Variants in PCDHGA5 observed in about 807,000 individuals in gnomAD.
The protein encoded by PCDHGA5 is protocadherin gamma-A5.
In PCDHGA5, 36 loss-of-function variants were observed where a neutral mutation model predicts 56.7. The ratio of observed to expected loss-of-function variants is 0.64; its 90% CI spans 0.49 to 0.84. The LOEUF is 0.84. Among genes scored for constraint, PCDHGA5 ranks in the 40% least tolerant of loss-of-function variants. The pLI is 0.00. For synonymous variants in PCDHGA5, 563 were observed against 520.2 expected (o/e 1.08, Z -1.12); for missense variants, 1,305 against 1,201.5 (o/e 1.09, Z -1.27).
At chr5:141,446,450 T>C (rs922188307) in intron 1 of PCDHGA5, among the ~76,000 whole-genome samples, 2 of 152,018 alleles carry the variant, frequency 1.3e-5, no homozygotes, top group Non-Finnish European at 2.9e-5. Context: ...AGTGCAGATA[T>C]TCAGTGTGTG....
At chr5:141,375,119 G>A in intron 1 of PCDHGA5, 1 of 1,613,940 alleles carries the variant, frequency 6.2e-7, no homozygotes, top group Non-Finnish European at 8.5e-7. Flanking sequence ...TAATGTACCA[G>A]AAGTGGTTGT....
intron 1 of PCDHGA5, chr5:141,423,517 T>G (rs750915364): frequency 1.9e-6 from 3 of 1,613,716 alleles, no homozygotes; most frequent in Non-Finnish European, 2.5e-6. Flanking sequence ...CATTGCGGAC[T>G]CGCAGAAGAG....
intron 2 of PCDHGA5, among the ~76,000 whole-genome samples, chr5:141,498,091 C>G (rs2099781521): frequency 6.6e-6 from 1 of 152,156 alleles, no homozygotes; most frequent in African/African-American, 2.4e-5. Context: ...AGAATTGTAT[C>G]TGGTGGTGTG....
intron 1 of PCDHGA5, among the ~76,000 whole-genome samples, chr5:141,439,161 C>T (rs1384707803): frequency 6.6e-6 from 1 of 150,850 alleles, no homozygotes; most frequent in Non-Finnish European, 1.5e-5. Flanking sequence ...CCACTGCACT[C>T]CAGCCTGGGC....
At position 141,472,488 on chromosome 5, in the gene PCDHGA5, C is replaced by T. The variant is rs183545662; in HGVS notation, c.2422-22319C>T. 4.0e-3 allele frequency among the ~76,000 whole-genome samples: 607 copies of T among 151,768 alleles called. 6 individuals carry two copies. The highest frequency in any genetic ancestry group is 0.011 in the Admixed American group (174 of 15,254). On this transcript the variant is annotated intron_variant, in intron 1 of 3. Coordinates refer to ENST00000518069, the MANE Select transcript of PCDHGA5 (RefSeq NM_018918.3). Reference sequence around the variant, plus strand: ...CCAGAAGGCAGAGCTTGCAGTGAGACGAGATCGTGCCACTGCACTCCAGCC... The same window carrying T: ...CCAGAAGGCAGAGCTTGCAGTGAGATGAGATCGTGCCACTGCACTCCAGCC...
Position 141,490,795 on chromosome 5 carries a change from C to G in PCDHGA5, c.2422-4012C>G. The G allele has an allele frequency of 6.2e-7, 1 of 1,614,036 alleles. No homozygotes were observed. The highest frequency in any genetic ancestry group is 1.1e-5 in the South Asian group (1 of 91,084). Reference sequence around the variant, plus strand: ...CCCAGAGGATGGACGGATCTTTGCCCAGCGTACCTTTGACTATGAATTGCT... The same window carrying G: ...CCCAGAGGATGGACGGATCTTTGCCGAGCGTACCTTTGACTATGAATTGCT... On this transcript the variant is annotated intron_variant, in intron 1 of 3. Transcript: ENST00000518069. This position sits in a 1 kb window ranked among gnomAD's most constrained non-coding sequence, Gnocchi z 5.4.
rs186288044 is a variant in PCDHGA5, at chr5:141,433,652, A to G, written c.2422-61155A>G. On this transcript the variant is annotated intron_variant, in intron 1 of 3. Transcript: ENST00000518069. ...GGAGTTTGAGACCAGCCTGACCAAC[A>G]TGGAGAAACCCCGTCTATACTAAAA... is the stretch of plus-strand genomic sequence containing the variant. 1.0e-2 allele frequency among the ~76,000 whole-genome samples: 1,520 copies of G among 152,208 alleles called. 33 individuals are homozygous for G. The highest frequency in any genetic ancestry group is 0.034 in the African/African-American group (1,423 of 41,538).
intron 1 of PCDHGA5, chr5:141,395,078 G>A: frequency 1.2e-6 from 2 of 1,614,126 alleles, no homozygotes; most frequent in Non-Finnish European, 1.7e-6. Flanking sequence ...CCTATTCCCA[G>A]GAAGTCTCCC....
At chr5:141,469,552 C>T (rs956606902) in intron 1 of PCDHGA5, among the ~76,000 whole-genome samples, 3 of 151,910 alleles carry the variant, frequency 2.0e-5, no homozygotes, top group Non-Finnish European at 4.4e-5. Flanking sequence ...TCCAGCCTGG[C>T]GACAGAGTGA....
At chr5:141,390,123 C>T in intron 1 of PCDHGA5, 1 of 1,614,008 alleles carries the variant, frequency 6.2e-7, no homozygotes, top group Non-Finnish European at 8.5e-7. Context: ...GGGGACTTTG[C>T]CTTATTCCTA....
rs771313271 is a variant in PCDHGA5 at position 141,477,861 on chromosome 5, G to C, written c.2422-16946G>C. 1.2e-6 allele frequency: 2 copies of C among 1,612,714 alleles called. No individual in the cohort carries two copies. Among genetic ancestry groups the C allele is most frequent in the South Asian group, 1.1e-5 (1 of 90,968 alleles). On this transcript the variant is annotated intron_variant, in intron 1 of 3. Transcript: ENST00000518069. The surrounding 1 kb of genome is among the most constrained non-coding windows in gnomAD (Gnocchi z 4.9). ...GGGAGCTCGGTGGAGATGCTGCCTC[G>C]AGGTACCTCAGCTGGCCACCTAGTG...
intron 1 of PCDHGA5, among the ~76,000 whole-genome samples, chr5:141,472,243 T>A (rs1276064128): frequency 6.6e-6 from 1 of 152,190 alleles, no homozygotes; most frequent in East Asian, 1.9e-4. Context: ...TCACTTTCTA[T>A]TTTAAAGTTA....
intron 2 of PCDHGA5, among the ~76,000 whole-genome samples, chr5:141,500,838 GGCTTTT>G (rs2099802886): frequency 6.6e-6 from 1 of 151,878 alleles, no homozygotes. Flanking sequence ...AATGCTAATG[GGCTTTT>G]GCTACATTAG....
chr5:141,380,538 A>G (rs1365489089), intron 1 of PCDHGA5, among the ~76,000 whole-genome samples: 3 of 152,246 alleles, frequency 2.0e-5, no homozygotes, highest in Non-Finnish European at 4.4e-5. Flanking sequence ...TCAATTTGAT[A>G]CAATGAGCTT....
chr5:141,373,632 T>C (rs1769740569), intron 1 of PCDHGA5, among the ~76,000 whole-genome samples: 1 of 152,264 alleles, frequency 6.6e-6, no homozygotes, highest in African/African-American at 2.4e-5. Context: ...ATATTATTTC[T>C]GTTCCCCAAG....
In PCDHGA5 at chr5:141,404,546, G is replaced by A. The variant is rs753308273; in HGVS notation, c.2421+37795G>A. 11 of 1,613,800 alleles carry A rather than the reference G, an allele frequency of 6.8e-6. No individual in the cohort carries two copies. In the East Asian group the frequency reaches 2.2e-4, roughly 33 times the overall value. ...GCAGTTTAGAGATTTGCAAATGCAGGTGACGGCAAGTGACAGTGGAAGCCC... is the reference window on the plus strand; with the variant it reads ...GCAGTTTAGAGATTTGCAAATGCAGATGACGGCAAGTGACAGTGGAAGCCC... On this transcript the variant is annotated intron_variant, in intron 1 of 3. Transcript: ENST00000518069.
At chr5:141,427,378 C>T in intron 1 of PCDHGA5, 1 of 458,520 alleles carries the variant, frequency 2.2e-6, no homozygotes, top group Non-Finnish European at 4.4e-6. Context: ...ACGGTGATCA[C>T]TCTGTTCAAA....
At position 141,505,479 on chromosome 5, in the gene PCDHGA5, G is replaced by A; in HGVS notation, c.2567G>A (p.Ser856Asn). 1 of 1,614,228 alleles carries A rather than the reference G, an allele frequency of 6.2e-7. No homozygotes were observed. The highest frequency in any genetic ancestry group is 8.5e-7 in the Non-Finnish European group (1 of 1,180,018). Residue 856 changes from serine to asparagine, a missense_variant and splice_region_variant, in exon 3 of 4, where the codon AGT (serine) becomes AAT (asparagine). Ser to Asn is a conservative substitution (Grantham distance 46, BLOSUM62 1). Coordinates refer to ENST00000518069, the MANE Select transcript of PCDHGA5 (RefSeq NM_018918.3). Reference sequence around the variant, plus strand: ...CAAGCCATGATCTTGGCGTCCGCCAGTGGTAAGTGGTGTCAGTGTGTGTAT... The same window carrying A: ...CAAGCCATGATCTTGGCGTCCGCCAATGGTAAGTGGTGTCAGTGTGTGTAT... Reference protein sequence around the residue: ...MLQAMILASASEAADGSSTLG... With the variant: ...MLQAMILASANEAADGSSTLG...
chr5:141,502,475 A>G (rs1246548191), intron 2 of PCDHGA5, among the ~76,000 whole-genome samples: 1 of 150,884 alleles, frequency 6.6e-6, no homozygotes, highest in Non-Finnish European at 1.5e-5. Context: ...TTCCCGCAGC[A>G]TCACACTGGG....
Sources: allele counts gnomAD v4.1 joint callset (sites outside exome capture counted in the v4.1 genomes callset), GRCh38; gene constraint gnomAD v4.1.1; non-coding constraint Gnocchi (gnomAD v3.1); transcripts MANE v1.5; gene names NCBI Gene and HGNC (gene_info 2026-07-23, HGNC 2026-07-21).